The following ZNF710 variants were observed in gnomAD, a reference collection of about 807,000 sequenced individuals.
ZNF710 encodes zinc finger protein 710.
ZNF710 carries 13 observed loss-of-function variants against 50.6 expected under a neutral mutation model. That is an observed-to-expected ratio of 0.26 (90% CI 0.17 to 0.41). The LOEUF (loss-of-function observed/expected upper bound fraction) is 0.41, where lower values mean the gene tolerates loss of function less well. ZNF710 is among the 10% of genes least tolerant of loss of function. The probability of loss-of-function intolerance (pLI) is 1.00; values close to 1 mark genes in which losing one functional copy is unlikely to be tolerated. For missense variants in ZNF710, 721 were observed against 936.6 expected (o/e 0.77, Z 3.01); for synonymous variants, 383 against 397.0 (o/e 0.96, Z 0.42).
At chr15:90,013,581 A>T (rs1271126287) in intron 1 of ZNF710, among the ~76,000 whole-genome samples, 1 of 152,120 alleles carries the variant, frequency 6.6e-6, no homozygotes, top group African/African-American at 2.4e-5. Context: ...AGTTTTGACA[A>T]CCAGAACCTA....
intron 1 of ZNF710, among the ~76,000 whole-genome samples, chr15:90,061,077 T>G (rs1466645903): frequency 6.6e-6 from 1 of 152,244 alleles, no homozygotes; most frequent in Non-Finnish European, 1.5e-5. Flanking sequence ...TGGTTGGTGA[T>G]GTCCCAAGCC....
At chr15:90,023,816 G>A (rs1054395044) in intron 1 of ZNF710, among the ~76,000 whole-genome samples, 1 of 152,120 alleles carries the variant, frequency 6.6e-6, no homozygotes, top group Non-Finnish European at 1.5e-5. Flanking sequence ...AGGCAGCATG[G>A]CAAAACCCGG....
At chr15:90,071,141 G>A (rs1229189635) in intron 2 of ZNF710, among the ~76,000 whole-genome samples, 3 of 151,768 alleles carry the variant, frequency 2.0e-5, no homozygotes, top group Non-Finnish European at 2.9e-5. Flanking sequence ...GGCGCCTGTA[G>A]TCCCAGCTAC....
chr15:90,001,501 A>AGGCGGGC lies in ZNF710; in HGVS notation c.-133_-127dup, dbSNP rs1373361973. On this transcript the variant is annotated 5_prime_UTR_variant, in exon 1 of 5. Coordinates refer to ENST00000268154, the MANE Select transcript of ZNF710 (RefSeq NM_198526.4). ...AGGAGCAGGCGGCGGGCGCGCGTGGAGGCGGGCGGCGGGCGCACAGCAGCA... is the reference window on the plus strand; with the variant it reads ...AGGAGCAGGCGGCGGGCGCGCGTGGAGGCGGGCGGCGGGCGGCGGGCGCACAGCAGCA... 4.0e-5 allele frequency: 6 copies of AGGCGGGC among 149,040 alleles called. No homozygotes were observed. The South Asian group carries it at 1.1e-3, about 29-fold the overall frequency. 9.2% of individuals were successfully genotyped at this position (149,040 alleles called of 1,614,324 possible).
chr15:90,071,378 C>T (rs907790713), intron 2 of ZNF710, among the ~76,000 whole-genome samples: 1 of 151,818 alleles, frequency 6.6e-6, no homozygotes, highest in Non-Finnish European at 1.5e-5. Context: ...TAAATTTGTA[C>T]AATGTGCACA....
At chr15:90,022,478 T>C (rs1898654476) in intron 1 of ZNF710, among the ~76,000 whole-genome samples, 1 of 152,148 alleles carries the variant, frequency 6.6e-6, no homozygotes, top group South Asian at 2.1e-4. Flanking sequence ...GGTGAGATGG[T>C]AGAAGATGAG....
Position 90,068,617 on chromosome 15 carries a change from GGGCAT to G in ZNF710, c.1458+23_1458+27del, listed in dbSNP as rs1567243000. The G allele has an allele frequency of 6.4e-7, 1 of 1,558,550 alleles. No individual in the cohort carries two copies. Among genetic ancestry groups the G allele is most frequent in the Non-Finnish European group, 8.7e-7 (1 of 1,153,176 alleles). ...CAAGGTAAGGCCGTTCCCAGGGCCT[GGGCAT>G]CTGCCTGCCCCTCCTGCCACTTTTT... On this transcript the variant is annotated intron_variant, in intron 2 of 4. Transcript: ENST00000268154. This position sits in a 1 kb window ranked among gnomAD's most constrained non-coding sequence, Gnocchi z 5.0.
intron 4 of ZNF710, among the ~76,000 whole-genome samples, chr15:90,079,125 A>T (rs545615803): frequency 3.0e-4 from 46 of 152,336 alleles, no homozygotes; most frequent in African/African-American, 1.1e-3. Flanking sequence ...ACAGTGGCTC[A>T]GAACAACAGC....
intron 1 of ZNF710, among the ~76,000 whole-genome samples, chr15:90,003,446 G>A (rs1274742850): frequency 6.6e-6 from 1 of 152,160 alleles, no homozygotes; most frequent in Non-Finnish European, 1.5e-5. Flanking sequence ...TGCCCTCTCA[G>A]TCCTGCATTT....
At chr15:90,073,347 GC>G in intron 3 of ZNF710, 85 bp downstream of exon 3, 1 of 1,508,396 alleles carries the variant, frequency 6.6e-7, no homozygotes, top group Non-Finnish European at 9.0e-7. Flanking sequence ...GGCCCACCAA[GC>G]GCCAGCCTGG....
chr15:90,020,491 C>T (rs559105453), intron 1 of ZNF710, among the ~76,000 whole-genome samples: 6 of 151,980 alleles, frequency 3.9e-5, no homozygotes, highest in Admixed American at 6.6e-5. Flanking sequence ...CCTCCCCGCC[C>T]CCGGGGAGAC....
chr15:90,068,454 G>A lies in ZNF710; in HGVS notation c.1317G>A (p.Glu439=). ...HQGPTLYQCL[E]CDKSFHYRSQ... The stretch of plus-strand genomic sequence containing the variant: ...GCCCCACCCTCTACCAGTGCCTCGA[G>A]TGTGACAAGTCCTTCCACTACCGCA... The change falls in exon 2 of 5, where the codon GAG becomes GAA. Residue 439 remains glutamate, a synonymous_variant. Coordinates refer to ENST00000268154, the MANE Select transcript of ZNF710 (RefSeq NM_198526.4). The surrounding 1 kb of genome is among the most constrained non-coding windows in gnomAD (Gnocchi z 5.0). 6.2e-7 allele frequency: 1 copy of A among 1,614,136 alleles called. No homozygotes were observed. The highest frequency in any genetic ancestry group is 1.3e-5 in the African/African-American group (1 of 75,074).
At chr15:90,047,362 G>T (rs960509882) in intron 1 of ZNF710, among the ~76,000 whole-genome samples, 2 of 152,176 alleles carry the variant, frequency 1.3e-5, no homozygotes, top group African/African-American at 4.8e-5. Context: ...AGGTGCTCTT[G>T]GTACCACCCC....
At chr15:90,066,592 C>T (rs751902516) in intron 1 of ZNF710, among the ~76,000 whole-genome samples, 11 of 151,086 alleles carry the variant, frequency 7.3e-5, no homozygotes, top group Admixed American at 1.3e-4. Context: ...ATTCTCCTGC[C>T]TCAGCCTCCT....
chr15:90,071,212 G>T, intron 2 of ZNF710, among the ~76,000 whole-genome samples: 1 of 150,164 alleles, frequency 6.7e-6, no homozygotes, highest in Non-Finnish European at 1.5e-5. Context: ...AGTGAGCCAA[G>T]ACCGTGCCGC....
intron 1 of ZNF710, among the ~76,000 whole-genome samples, chr15:90,029,949 G>C (rs1898884607): frequency 1.3e-5 from 2 of 152,026 alleles, no homozygotes; most frequent in Admixed American, 6.6e-5. Flanking sequence ...GATCAAGCTT[G>C]ATAATCACAA....
chr15:90,070,276 C>A (rs1398274516), intron 2 of ZNF710, among the ~76,000 whole-genome samples: 1 of 151,386 alleles, frequency 6.6e-6, no homozygotes, highest in African/African-American at 2.4e-5. Context: ...GGGAAGTTTG[C>A]TTGAACCCAG....
At chr15:90,001,088 TAAGA>T (rs1207595254), upstream of ZNF710, among the ~76,000 whole-genome samples, 3 of 146,846 alleles carry the variant, frequency 2.0e-5, no homozygotes, top group Non-Finnish European at 4.5e-5. Flanking sequence ...TTTAGAGAAA[TAAGA>T]AAGGAGGAAG....
intron 1 of ZNF710, among the ~76,000 whole-genome samples, chr15:90,027,370 C>T (rs867687217): frequency 3.3e-5 from 5 of 152,122 alleles, no homozygotes; most frequent in African/African-American, 1.2e-4. Context: ...GCCACCAACC[C>T]GGCTAATTCT....
Sources: allele counts gnomAD v4.1 joint callset (sites outside exome capture counted in the v4.1 genomes callset), GRCh38; gene constraint gnomAD v4.1.1; non-coding constraint Gnocchi (gnomAD v3.1); transcripts MANE v1.5; gene names NCBI Gene and HGNC (gene_info 2026-07-23, HGNC 2026-07-21).